MAN1C1: variants seen among roughly 807,000 people sequenced by gnomAD.
MAN1C1 encodes mannosidase alpha class 1C member 1, also known as mannosyl-oligosaccharide 1,2-alpha-mannosidase IC.
MAN1C1 carries 49 observed loss-of-function variants against 71.5 expected under a neutral mutation model. The ratio of observed to expected loss-of-function variants is 0.69; its 90% CI spans 0.54 to 0.87. The LOEUF (loss-of-function observed/expected upper bound fraction) is 0.87. MAN1C1 is among the 40% of genes least tolerant of loss of function. The pLI is 0.00. For missense variants in MAN1C1, 743 were observed against 835.0 expected (o/e 0.89, Z 1.36); for synonymous variants, 352 against 343.7 (o/e 1.02, Z -0.27).
intron 4 of MAN1C1, among the ~76,000 whole-genome samples, chr1:25,750,271 G>A (rs1244755893): frequency 6.6e-6 from 1 of 152,160 alleles, no homozygotes; most frequent in Non-Finnish European, 1.5e-5. Flanking sequence ...CTTAGAAATG[G>A]GAGGCTTCTT....
intron 1 of MAN1C1, among the ~76,000 whole-genome samples, chr1:25,620,497 C>T (rs2045191043): frequency 6.6e-6 from 1 of 152,184 alleles, no homozygotes; most frequent in Admixed American, 6.5e-5. Context: ...GCTGTCCCAC[C>T]CCAGGAAGAA....
chr1:25,780,781 G>C, intron 9 of MAN1C1, 159 bp from the exon 10 acceptor site: 2 of 687,884 alleles, frequency 2.9e-6, no homozygotes, highest in Middle Eastern at 4.2e-4. Context: ...CATCTGCCCG[G>C]TGCAGCCTTA....
At chr1:25,766,861 C>T (rs114180552) in intron 7 of MAN1C1, among the ~76,000 whole-genome samples, 18 of 152,196 alleles carry the variant, frequency 1.2e-4, no homozygotes, top group African/African-American at 4.3e-4. Flanking sequence ...GTGTGAGCTG[C>T]AGCCTGGCAG....
chr1:25,738,438 T>C (rs1427095725), intron 2 of MAN1C1, among the ~76,000 whole-genome samples: 2 of 152,176 alleles, frequency 1.3e-5, no homozygotes, highest in African/African-American at 2.4e-5. Flanking sequence ...AAAAAACCCA[T>C]GTGGCAAAAA....
rs2047559159 is a variant in MAN1C1 at position 25,771,963 on chromosome 1, C to T, written c.1257+191C>T. On this transcript the variant is annotated intron_variant, in intron 8 of 11. Transcript: ENST00000374332. ...GGCATTTTACACCCTGCGACCCTCC[C>T]ACATGCTCTAAGACTGGGGCTTTGT... 5.1e-6 allele frequency: 3 copies of T among 587,506 alleles called. No individual in the cohort carries two copies. In the South Asian group the frequency reaches 6.1e-5, roughly 12 times the overall value. The allele number at this position is 587,506 out of a possible 1,614,324, so 36.4% of individuals were successfully genotyped here.
intron 2 of MAN1C1, among the ~76,000 whole-genome samples, chr1:25,745,825 T>C (rs1031016453): frequency 4.0e-5 from 6 of 151,832 alleles, no homozygotes; most frequent in South Asian, 2.1e-4. Flanking sequence ...ACCCACTCTC[T>C]ACTAAAAATA....
At chr1:25,659,286 C>T (rs946187760) in intron 1 of MAN1C1, among the ~76,000 whole-genome samples, 2 of 152,230 alleles carry the variant, frequency 1.3e-5, no homozygotes, top group Non-Finnish European at 2.9e-5. Flanking sequence ...TCTGTAGCAG[C>T]CTTGGCTCTG....
At chr1:25,715,504 C>T (rs779156802) in intron 2 of MAN1C1, among the ~76,000 whole-genome samples, 1 of 152,236 alleles carries the variant, frequency 6.6e-6, no homozygotes. Context: ...GCACTCACAA[C>T]AGACTTTGTG....
At position 25,617,746 on chromosome 1, in the gene MAN1C1, G is replaced by T. The variant is rs2045124746; in HGVS notation, c.-52G>T. On this transcript the variant is annotated 5_prime_UTR_variant, in exon 1 of 12. Transcript: ENST00000374332. This position sits in a 1 kb window ranked among gnomAD's most constrained non-coding sequence, Gnocchi z 5.1. ...GACGCCCTCCCCTCACCGCGCCCCC[G>T]CAGACACGTGCCTGGACTCCGAGGG... 2 of 1,498,910 alleles carry T rather than the reference G, an allele frequency of 1.3e-6. No individual in the cohort carries two copies. Among genetic ancestry groups the T allele is most frequent in the Non-Finnish European group, 8.9e-7 (1 of 1,129,276 alleles). 92.9% of individuals were successfully genotyped at this position (1,498,910 alleles called of 1,614,324 possible).
chr1:25,617,250 G>A lies in MAN1C1; in HGVS notation c.-548G>A, dbSNP rs1441612168. Among the ~76,000 whole-genome samples, 1 of 151,876 alleles carries A rather than the reference G, an allele frequency of 6.6e-6. No individual in the cohort carries two copies. The highest frequency in any genetic ancestry group is 1.5e-5 in the Non-Finnish European group (1 of 67,920). On this transcript the variant is annotated 5_prime_UTR_variant, in exon 1 of 12. Transcript: ENST00000374332. This position sits in a 1 kb window ranked among gnomAD's most constrained non-coding sequence, Gnocchi z 5.1. ...CCCGGGCGCTGTCGCGACCGGGCCGGGTGTGCGCGCGCTCGGGGCGGCGCT... is the reference window on the plus strand; with the variant it reads ...CCCGGGCGCTGTCGCGACCGGGCCGAGTGTGCGCGCGCTCGGGGCGGCGCT...
intron 1 of MAN1C1, among the ~76,000 whole-genome samples, chr1:25,681,988 C>CTGTA (rs1357027298): frequency 3.3e-5 from 5 of 152,054 alleles, no homozygotes; most frequent in Admixed American, 6.5e-5. Flanking sequence ...TCTGTACTAG[C>CTGTA]TGTACTAGGG....
In MAN1C1 at chr1:25,778,017, T is replaced by C; in HGVS notation, c.1258-88T>C. On this transcript the variant is annotated intron_variant, in intron 8 of 11. Transcript: ENST00000374332. This position sits in a 1 kb window ranked among gnomAD's most constrained non-coding sequence, Gnocchi z 5.5. The stretch of plus-strand genomic sequence containing the variant: ...TGGCAGAGCTGCCCTTGCTACTGTC[T>C]CCAAAATGTTCATTTTCCATCCTTT... The C allele has an allele frequency of 9.6e-7, 1 of 1,042,216 alleles. No individual in the cohort carries two copies. Among genetic ancestry groups the C allele is most frequent in the Non-Finnish European group, 1.4e-6 (1 of 724,470 alleles). 64.6% of individuals were successfully genotyped at this position (1,042,216 alleles called of 1,614,324 possible). A position where few individuals can be genotyped will look rare whatever the true frequency, so the allele number is the denominator to read the frequency against.
At position 25,776,146 on chromosome 1, in the gene MAN1C1, C is replaced by G. The variant is rs571351246; in HGVS notation, c.1258-1959C>G. 46 of 152,392 alleles carry G rather than the reference C, an allele frequency of 3.0e-4. No individual in the cohort carries two copies. The highest frequency in any genetic ancestry group is 1.1e-3 in the African/African-American group (45 of 41,590). The allele number at this position is 152,392 out of a possible 1,614,324, so 9.4% of individuals were successfully genotyped here. Reference sequence around the variant, plus strand: ...AAATGATCCATCTGCCTCAGCCTCCCAAAGTGCTGGGATTACAGGCGTGAG... The same window carrying G: ...AAATGATCCATCTGCCTCAGCCTCCGAAAGTGCTGGGATTACAGGCGTGAG... On this transcript the variant is annotated intron_variant, in intron 8 of 11. Transcript: ENST00000374332. This position sits in a 1 kb window ranked among gnomAD's most constrained non-coding sequence, Gnocchi z 4.3.
chr1:25,671,918 G>A (rs2045998141), intron 1 of MAN1C1, among the ~76,000 whole-genome samples: 1 of 152,188 alleles, frequency 6.6e-6, no homozygotes, highest in African/African-American at 2.4e-5. Context: ...AGTAGGAGAT[G>A]GTAGAGGTGG....
chr1:25,619,036 C>G (rs1463449381), intron 1 of MAN1C1, among the ~76,000 whole-genome samples: 1 of 152,138 alleles, frequency 6.6e-6, no homozygotes, highest in Non-Finnish European at 1.5e-5. Flanking sequence ...TGAGCTGGTT[C>G]CCTGTAGGGA....
intron 2 of MAN1C1, among the ~76,000 whole-genome samples, chr1:25,726,412 C>G (rs2046831313): frequency 6.6e-6 from 1 of 152,206 alleles, no homozygotes; most frequent in Non-Finnish European, 1.5e-5. Flanking sequence ...GCCCTGCCTC[C>G]CTCTGAGACA....
In MAN1C1 at chr1:25,769,645, G is replaced by A. The variant is rs1195126418; in HGVS notation, c.1142-2012G>A. On this transcript the variant is annotated intron_variant, in intron 7 of 11. Transcript: ENST00000374332. The surrounding 1 kb of genome is among the most constrained non-coding windows in gnomAD (Gnocchi z 4.8). ...AGCCCAAGCCTCCCATCCCGGCAGA[G>A]CCCAGGCCTCCCTTCCATTCACCTG... is the stretch of plus-strand genomic sequence containing the variant. 2.0e-5 allele frequency among the ~76,000 whole-genome samples: 3 copies of A among 152,160 alleles called. No individual in the cohort carries two copies. The highest frequency in any genetic ancestry group is 7.2e-5 in the African/African-American group (3 of 41,438).
rs145072387 is a variant in MAN1C1 at position 25,707,682 on chromosome 1, C to T, written c.637+21146C>T. Among the ~76,000 whole-genome samples the T allele has an allele frequency of 1.5e-3, 236 of 152,268 alleles. 3 individuals are homozygous for T. The highest frequency in any genetic ancestry group is 5.3e-3 in the African/African-American group (222 of 41,540). ...TTCATTCAGTGAGCCACTGTTGAAC[C>T]GCTACAGAAATCCAAGTAGTGGATT... is the stretch of plus-strand genomic sequence containing the variant. On this transcript the variant is annotated intron_variant, in intron 2 of 11. Coordinates refer to ENST00000374332, the MANE Select transcript of MAN1C1 (RefSeq NM_020379.4).
chr1:25,738,795 G>A (rs2246979), intron 2 of MAN1C1, among the ~76,000 whole-genome samples: 39,725 of 152,090 alleles, frequency 0.26, 9,779 homozygotes, highest in African/African-American at 0.65. Flanking sequence ...CTTCCTTACA[G>A]TATGGTGGCT....
Sources: allele counts gnomAD v4.1 joint callset (sites outside exome capture counted in the v4.1 genomes callset), GRCh38; gene constraint gnomAD v4.1.1; non-coding constraint Gnocchi (gnomAD v3.1); transcripts MANE v1.5; gene names NCBI Gene and HGNC (gene_info 2026-07-23, HGNC 2026-07-21).